The following BRCA2 variants were observed in gnomAD, a reference collection of about 807,000 sequenced individuals.
The protein encoded by BRCA2 is BRCA2 DNA repair associated.
Under a neutral mutation model 276.7 loss-of-function variants are expected in BRCA2, and 203 were observed. That is an observed-to-expected ratio of 0.73 (90% confidence interval 0.65 to 0.82). The LOEUF (loss-of-function observed/expected upper bound fraction) is 0.82, where lower values mean the gene tolerates loss of function less well. BRCA2 is among the 40% of genes least tolerant of loss of function. BRCA2 has a pLI of 0.00. For missense variants in BRCA2, 3,920 were observed against 3,915.0 expected, an observed-to-expected ratio of 1.00 and a Z score of -0.03; for synonymous variants, 1,289 against 1,338.4, an observed-to-expected ratio of 0.96 and a Z score of 0.81.
At chr13:32,342,309 A>T (rs1357997031) in intron 11 of BRCA2, among the ~76,000 whole-genome samples, 1 of 151,620 alleles carries the variant, frequency 6.6e-6, no homozygotes, top group African/African-American at 2.4e-5. Context: ...AGCACTTAGC[A>T]GTGAACTTGA....
At chr13:32,354,355 A>T (rs1260706819) in intron 13 of BRCA2, among the ~76,000 whole-genome samples, 1 of 152,196 alleles carries the variant, frequency 6.6e-6, no homozygotes, top group Non-Finnish European at 1.5e-5. Context: ...TGAGGCAGAG[A>T]TAAAGGTGAG....
chr13:32,384,856 G>A (rs1327937282), intron 24 of BRCA2: 3 of 284,934 alleles, frequency 1.1e-5, no homozygotes, highest in Non-Finnish European at 2.2e-5. Flanking sequence ...TGAAACACCC[G>A]AAAGGCCAGA....
intron 13 of BRCA2, among the ~76,000 whole-genome samples, chr13:32,354,439 A>C (rs1333528938): frequency 6.6e-6 from 1 of 152,184 alleles, no homozygotes; most frequent in Non-Finnish European, 1.5e-5. Context: ...AAAGGTATAA[A>C]TAGGTAGAAG....
chr13:32,359,312 T>G (rs1484510688), intron 16 of BRCA2, among the ~76,000 whole-genome samples: 1 of 152,038 alleles, frequency 6.6e-6, no homozygotes, highest in African/African-American at 2.4e-5. Flanking sequence ...ATGTTTTCTT[T>G]CATTATATAT....
At chr13:32,394,644 C>T (rs1370048011) in intron 24 of BRCA2, 45 bp from the exon 25 acceptor site, 1 of 1,588,772 alleles carries the variant, frequency 6.3e-7, no homozygotes, top group South Asian at 1.1e-5. Context: ...TAAAATTCAT[C>T]TAACACATCT....
At chr13:32,323,515 A>G (rs1593885115) in intron 3 of BRCA2, among the ~76,000 whole-genome samples, 4 of 152,332 alleles carry the variant, frequency 2.6e-5, no homozygotes, top group Non-Finnish European at 5.9e-5. Context: ...TCTTTAATTA[A>G]AAATCTCATT....
At chr13:32,341,799 C>T (rs773028) in intron 11 of BRCA2, among the ~76,000 whole-genome samples, 1 of 148,872 alleles carries the variant, frequency 6.7e-6, no homozygotes, top group Non-Finnish European at 1.5e-5. Context: ...ACCTGGGAGG[C>T]GGAGCTTGCA....
At chr13:32,369,762 C>T (rs373838110) in intron 18 of BRCA2, among the ~76,000 whole-genome samples, 4 of 152,056 alleles carry the variant, frequency 2.6e-5, no homozygotes, top group Admixed American at 6.5e-5. Context: ...TTAGTAGAGA[C>T]GGGGTTTCAC....
At position 32,322,960 on chromosome 13, in the gene BRCA2, A is replaced by G. The variant is rs150951453; in HGVS notation, c.317-2116A>G. ...AAAGAGCACGATTGTGGGATCATAT[A>G]GTAAGAGTATGTTTAGTTTTATGAG... is the stretch of plus-strand genomic sequence containing the variant. On this transcript the variant is annotated intron_variant, in intron 3 of 26. Coordinates refer to ENST00000380152, the MANE Select transcript of BRCA2 (RefSeq NM_000059.4). Among the ~76,000 whole-genome samples the G allele has an allele frequency of 9.2e-5, 14 of 152,316 alleles. No homozygotes were observed. The East Asian group carries it at 2.7e-3, about 29-fold the overall frequency.
intron 18 of BRCA2, among the ~76,000 whole-genome samples, chr13:32,370,186 G>A (rs977058670): frequency 2.0e-5 from 3 of 152,090 alleles, no homozygotes; most frequent in African/African-American, 7.2e-5. Flanking sequence ...AGAACTTGTA[G>A]CAGTATAAAC....
intron 1 of BRCA2, among the ~76,000 whole-genome samples, chr13:32,316,057 C>T (rs1033391524): frequency 7.2e-5 from 11 of 152,192 alleles, no homozygotes; most frequent in African/African-American, 2.7e-4. Context: ...CTTACTTAAG[C>T]CCCTGGTAAT....
chr13:32,350,940 C>A (rs1029703328), intron 13 of BRCA2, among the ~76,000 whole-genome samples: 5 of 152,100 alleles, frequency 3.3e-5, no homozygotes, highest in South Asian at 4.1e-4. Context: ...TGTAAACACA[C>A]CAATCAGCGC....
At position 32,354,915 on chromosome 13, in the gene BRCA2, A is replaced by G. The variant is rs925407686; in HGVS notation, c.7062A>G (p.Gln2354=). The G allele has an allele frequency of 6.2e-7, 1 of 1,613,918 alleles. No homozygotes were observed. ...IQNPNFTAPG[Q]EFLSKSHLYE... ...ATCCAAATTTTACCGCACCTGGTCA[A>G]GAATTTCTGTCTAAATCTCATTTGT... Residue 2354 remains glutamine, a synonymous_variant, in exon 14 of 27, where the codon CAA becomes CAG. Coordinates refer to ENST00000380152, the MANE Select transcript of BRCA2 (RefSeq NM_000059.4).
intron 12 of BRCA2, 98 bp from the exon 13 acceptor site, chr13:32,346,729 A>C (rs1262741909): frequency 1.1e-6 from 1 of 877,080 alleles, no homozygotes; most frequent in Non-Finnish European, 1.7e-6. Context: ...TGAAAATTGT[A>C]AAGCCTATAA....
intron 3 of BRCA2, among the ~76,000 whole-genome samples, chr13:32,321,022 G>C (rs1238258471): frequency 6.6e-6 from 1 of 152,174 alleles, no homozygotes; most frequent in Non-Finnish European, 1.5e-5. Context: ...AGGAAGATCA[G>C]TTAGGGGATG....
chr13:32,317,501 A>G (rs1276977028), intron 2 of BRCA2, among the ~76,000 whole-genome samples: 1 of 152,204 alleles, frequency 6.6e-6, no homozygotes, highest in South Asian at 2.1e-4. Flanking sequence ...TTTTCCTTGT[A>G]CTTTGCATAG....
chr13:32,388,685 T>C (rs2072978271), intron 24 of BRCA2, among the ~76,000 whole-genome samples: 1 of 148,504 alleles, frequency 6.7e-6, no homozygotes, highest in South Asian at 2.1e-4. Flanking sequence ...TTTTTGAGAT[T>C]GAAAGTCACA....
Position 32,344,660 on chromosome 13 carries a change from T to G in BRCA2, c.6937+7T>G, listed in dbSNP as rs2137537479. On this transcript the variant is annotated splice_region_variant and intron_variant, in intron 12 of 26. Coordinates refer to ENST00000380152, the MANE Select transcript of BRCA2 (RefSeq NM_000059.4). ...TCAAAAAGCACTCCAGATGGTAAAA[T>G]TAGCTTTTTATTTATATCTGTTCTC... 6.5e-7 allele frequency: 1 copy of G among 1,534,530 alleles called. No individual in the cohort carries two copies. Among genetic ancestry groups the G allele is most frequent in the Non-Finnish European group, 9.0e-7 (1 of 1,108,560 alleles).
At chr13:32,370,582 C>T (rs2137598374) in intron 19 of BRCA2, 25 bp downstream of exon 19, 1 of 1,595,340 alleles carries the variant, frequency 6.3e-7, no homozygotes, top group Non-Finnish European at 8.6e-7. Context: ...TGAAACTTAC[C>T]ATATATTTCT....
Sources: allele counts gnomAD v4.1 joint callset (sites outside exome capture counted in the v4.1 genomes callset), GRCh38; gene constraint gnomAD v4.1.1; transcripts MANE v1.5; gene names NCBI Gene and HGNC (gene_info 2026-07-23, HGNC 2026-07-21).